Variants in PTGR2 observed in about 807,000 individuals in gnomAD.
PTGR2 encodes the protein prostaglandin reductase 2.
PTGR2 carries 32 observed loss-of-function variants against 43.4 expected under a neutral mutation model. The ratio of observed to expected loss-of-function variants is 0.74; its 90% CI spans 0.56 to 0.99. The LOEUF (loss-of-function observed/expected upper bound fraction) is 0.99, where lower values mean the gene tolerates loss of function less well. PTGR2 is among the 50% of genes least tolerant of loss of function. The pLI is 0.00. For missense variants in PTGR2, 373 were observed against 420.0 expected, an observed-to-expected ratio of 0.89 and a Z score of 0.98; for synonymous variants, 106 against 139.2, an observed-to-expected ratio of 0.76 and a Z score of 1.68.
At chr14:73,882,526 A>G in intron 9 of PTGR2, 88 bp downstream of exon 9, 2 of 918,512 alleles carry the variant, frequency 2.2e-6, no homozygotes, top group Non-Finnish European at 3.4e-6. Flanking sequence ...TTTGAGACGG[A>G]GTCTTGCTCT....
At chr14:73,856,248 T>C (rs1298683578) in intron 1 of PTGR2, among the ~76,000 whole-genome samples, 1 of 151,870 alleles carries the variant, frequency 6.6e-6, no homozygotes, top group African/African-American at 2.4e-5. Flanking sequence ...AAAATCTTTT[T>C]TGTTGTTGTT....
chr14:73,858,007 A>C (rs2140234738), intron 1 of PTGR2: 1 of 152,196 alleles, frequency 6.6e-6, no homozygotes, highest in South Asian at 2.1e-4. Flanking sequence ...ATTAACTGCT[A>C]GCTCTGGAGG....
chr14:73,858,537 A>C, intron 1 of PTGR2: 1 of 246,378 alleles, frequency 4.1e-6, no homozygotes, highest in Non-Finnish European at 8.2e-6. Flanking sequence ...TGGGCAACAG[A>C]GCGAGACTCC....
chr14:73,869,958 G>A (rs528377343), intron 3 of PTGR2, among the ~76,000 whole-genome samples: 2 of 152,134 alleles, frequency 1.3e-5, no homozygotes, highest in South Asian at 2.1e-4. Context: ...CCGGGGAGGC[G>A]GAGGTTGCAT....
At chr14:73,858,936 G>T in intron 2 of PTGR2, 37 bp downstream of exon 2, 1 of 1,550,640 alleles carries the variant, frequency 6.4e-7, no homozygotes, top group South Asian at 1.1e-5. Flanking sequence ...TCTGATCTTT[G>T]ATAAGTATTA....
intron 1 of PTGR2, among the ~76,000 whole-genome samples, chr14:73,857,664 G>GTTTTTTTGTTTTTTTTTTT (rs1706483442): frequency 1.5e-5 from 1 of 64,696 alleles, no homozygotes; most frequent in Non-Finnish European, 2.7e-5. Context: ...AGCAGTTAGT[G>GTTTTTTTGTTTTTTTTTTT]TTTTTTTTTT....
intron 2 of PTGR2, among the ~76,000 whole-genome samples, chr14:73,860,104 C>T (rs1210088388): frequency 6.6e-6 from 1 of 151,944 alleles, no homozygotes; most frequent in East Asian, 1.9e-4. Context: ...GTTTCAGCCT[C>T]CCAAAGTCCT....
At chr14:73,877,264 A>G in intron 5 of PTGR2, 96 bp downstream of exon 5, 2 of 1,151,374 alleles carry the variant, frequency 1.7e-6, no homozygotes, top group Non-Finnish European at 2.4e-6. Flanking sequence ...TTAAAAATAT[A>G]AAATTGGATA....
At chr14:73,862,156 C>G (rs967363892) in intron 3 of PTGR2, among the ~76,000 whole-genome samples, 1 of 151,406 alleles carries the variant, frequency 6.6e-6, no homozygotes, top group Non-Finnish European at 1.5e-5. Context: ...TTATTGAAGA[C>G]ATTTTTAAAA....
Position 73,879,090 on chromosome 14 carries a change from CCCTA to C in PTGR2, c.520-5_520-2del. On this transcript the variant is annotated splice_acceptor_variant and splice_polypyrimidine_tract_variant and intron_variant, in intron 5 of 9. Coordinates refer to ENST00000555661, the MANE Select transcript of PTGR2 (RefSeq NM_001146154.2). ...AAGCCATTTAATCTTCAAATTTCCC[CCCTA>C]GATTGGCCATTTCTTAGGTTGTTCC... 1 of 1,612,476 alleles carries C rather than the reference CCCTA, an allele frequency of 6.2e-7. No homozygotes were observed. The highest frequency in any genetic ancestry group is 8.5e-7 in the Non-Finnish European group (1 of 1,178,896).
intron 4 of PTGR2, among the ~76,000 whole-genome samples, chr14:73,875,550 T>G (rs1175527263): frequency 6.6e-6 from 1 of 151,422 alleles, no homozygotes; most frequent in African/African-American, 2.4e-5. Context: ...TTCAGCATCT[T>G]GGCCAGGGTG....
chr14:73,867,402 C>G (rs2140251065), intron 3 of PTGR2, among the ~76,000 whole-genome samples: 1 of 152,124 alleles, frequency 6.6e-6, no homozygotes, highest in Middle Eastern at 3.4e-3. Flanking sequence ...GGTTCTGTTT[C>G]TCTGGAGAAT....
chr14:73,877,244 A>C (rs1050423181), intron 5 of PTGR2, 76 bp downstream of exon 5: 4 of 1,248,110 alleles, frequency 3.2e-6, no homozygotes, highest in Non-Finnish European at 4.5e-6. Context: ...TTCCGGATAT[A>C]TGTATACCAT....
chr14:73,884,110 A>G lies in PTGR2; in HGVS notation c.989A>G (p.Gln330Arg). The change falls in exon 10 of 10, where the codon CAG becomes CGG. Residue 330 changes from glutamine (Q) to arginine (R), a missense_variant. Gln to Arg is a conservative substitution (Grantham distance 43, BLOSUM62 1). Transcript: ENST00000555661. ...CTTTCTCTTTTTCCAGCTGCATTCCAGTCCATGATGACAGGAGGTAACATT... is the reference window on the plus strand; with the variant it reads ...CTTTCTCTTTTTCCAGCTGCATTCCGGTCCATGATGACAGGAGGTAACATT... ...NGLENMGAAFQSMMTGGNIGK... is the reference protein window; with the variant it reads ...NGLENMGAAFRSMMTGGNIGK... 6.2e-7 allele frequency: 1 copy of G among 1,603,042 alleles called. No individual in the cohort carries two copies. Among genetic ancestry groups the G allele is most frequent in the Non-Finnish European group, 8.5e-7 (1 of 1,173,952 alleles).
intron 3 of PTGR2, among the ~76,000 whole-genome samples, chr14:73,864,400 A>G (rs942647909): frequency 4.6e-5 from 7 of 152,208 alleles, no homozygotes; most frequent in Admixed American, 3.3e-4. Flanking sequence ...CCATTTTCCA[A>G]TCCCACCATC....
chr14:73,852,427 A>G (rs1413762613), intron 1 of PTGR2, among the ~76,000 whole-genome samples: 1 of 151,700 alleles, frequency 6.6e-6, no homozygotes, highest in Non-Finnish European at 1.5e-5. Flanking sequence ...AATTTTTTGT[A>G]TTTTTGGTAG....
chr14:73,862,586 T>C (rs763000367), intron 3 of PTGR2, among the ~76,000 whole-genome samples: 3 of 152,174 alleles, frequency 2.0e-5, no homozygotes. Flanking sequence ...AAAGGATCGC[T>C]TATTGATCTG....
chr14:73,877,030 A>T lies in PTGR2; in HGVS notation c.381A>T (p.Ser127=), dbSNP rs771673519. The change falls in exon 5 of 10, where the codon TCA becomes TCT. Residue 127 remains serine, a synonymous_variant. Coordinates refer to ENST00000555661, the MANE Select transcript of PTGR2 (RefSeq NM_001146154.2). ...CACAACTTGTGGATGGACACCTTTC[A>T]TATTTTCTTGGAGCTATAGGTATGC... The part of the protein sequence containing the change: ...VDPQLVDGHL[S]YFLGAIGMPG... 6.2e-7 allele frequency: 1 copy of T among 1,613,504 alleles called. No individual in the cohort carries two copies. The highest frequency in any genetic ancestry group is 1.3e-5 in the African/African-American group (1 of 74,870).
chr14:73,884,000 T>C (rs2055066878), intron 9 of PTGR2, 101 bp from the exon 10 acceptor site: 25 of 734,978 alleles, frequency 3.4e-5, no homozygotes, highest in Non-Finnish European at 5.0e-5. Context: ...TTCAAAATCA[T>C]TGAAAAAGTT....
Sources: allele counts gnomAD v4.1 joint callset (sites outside exome capture counted in the v4.1 genomes callset), GRCh38; gene constraint gnomAD v4.1.1; transcripts MANE v1.5; gene names NCBI Gene and HGNC (gene_info 2026-07-23, HGNC 2026-07-21).